Variants in CDS1 observed in about 807,000 individuals in gnomAD.
The protein encoded by CDS1 is CDP-diacylglycerol synthase 1.
In CDS1, 41 loss-of-function variants were observed where a neutral mutation model predicts 62.1. That is an observed-to-expected ratio of 0.66 (90% CI 0.51 to 0.86). The LOEUF is 0.86. Ranked by LOEUF, CDS1 falls within the 40% of genes least tolerant of loss-of-function variation. CDS1 has a pLI of 0.00. For synonymous variants in CDS1, 185 were observed against 192.6 expected, an observed-to-expected ratio of 0.96 and a Z score of 0.32; for missense variants, 470 against 550.1, an observed-to-expected ratio of 0.85 and a Z score of 1.46.
At chr4:84,622,702 T>C (rs1023093654) in intron 5 of CDS1, among the ~76,000 whole-genome samples, 1 of 152,244 alleles carries the variant, frequency 6.6e-6, no homozygotes, top group Admixed American at 6.5e-5. Context: ...AAAAGAATTA[T>C]GATGTAAACA....
rs1283259061 is a variant in CDS1 at position 84,636,713 on chromosome 4, CAG to C, written c.810+1363_810+1364del. ...TTAATTTTAGTATTTTTAGTAGAGA[CAG>C]GGTTTCACCATGTTGGCCAGGCTGG... On this transcript the variant is annotated intron_variant, in intron 8 of 12. Transcript: ENST00000295887. Among the ~76,000 whole-genome samples, 6 of 152,110 alleles carry C rather than the reference CAG, an allele frequency of 3.9e-5. No homozygotes were observed. The East Asian group carries it at 7.8e-4, about 20-fold the overall frequency.
chr4:84,608,143 T>A (rs999669474), intron 2 of CDS1, among the ~76,000 whole-genome samples: 2 of 152,178 alleles, frequency 1.3e-5, no homozygotes, highest in African/African-American at 2.4e-5. Context: ...AAAGCTCTGC[T>A]CTGAGGAGCA....
rs957817605 is a variant in CDS1, at chr4:84,583,159, T to A, written c.-243T>A. 9.1e-6 allele frequency: 4 copies of A among 439,366 alleles called. No individual in the cohort carries two copies. Among genetic ancestry groups the A allele is most frequent in the Admixed American group, 4.6e-5 (1 of 21,784 alleles). The allele number at this position is 439,366 out of a possible 1,614,324, so 27.2% of individuals were successfully genotyped here. ...CTGCTCGCGCCTGGCGCCCGGAGCC[T>A]GCCCGGGACCTCCGCCGGAGCCGCG... On this transcript the variant is annotated 5_prime_UTR_variant, in exon 1 of 13. Coordinates refer to ENST00000295887, the MANE Select transcript of CDS1 (RefSeq NM_001263.4).
chr4:84,599,141 C>T (rs73831539), intron 1 of CDS1, among the ~76,000 whole-genome samples: 6,503 of 152,024 alleles, frequency 0.043, 466 homozygotes, highest in African/African-American at 0.15. Flanking sequence ...CAATTTGGTT[C>T]CTGCTGGGAG....
chr4:84,608,558 G>C (rs901264990), intron 2 of CDS1, among the ~76,000 whole-genome samples: 15 of 152,246 alleles, frequency 9.9e-5, no homozygotes, highest in African/African-American at 3.1e-4. Flanking sequence ...CCTTCCATCT[G>C]TCTTTATCCT....
intron 5 of CDS1, among the ~76,000 whole-genome samples, chr4:84,622,552 C>T (rs941983342): frequency 5.3e-5 from 8 of 152,244 alleles, no homozygotes; most frequent in East Asian, 1.9e-4. Flanking sequence ...GAAATCATGC[C>T]GCTGCACTCC....
In CDS1 at chr4:84,583,468, G is replaced by T; in HGVS notation, c.67G>T (p.Glu23Ter). 1.3e-6 allele frequency: 2 copies of T among 1,578,208 alleles called. No homozygotes were observed. Among genetic ancestry groups the T allele is most frequent in the Non-Finnish European group, 1.7e-6 (2 of 1,163,692 alleles). Residue 23 changes from glutamate (E) to a stop codon, truncating the protein, a stop_gained, in exon 1 of 13, where the codon GAG becomes TAG. Transcript: ENST00000295887. LOFTEE classifies it high-confidence loss of function. ...PREAVSPPHR[E>*]GEAAGGDHET... is the part of the protein sequence containing the mutation. ...GGAAGCGGTGTCGCCGCCACACCGCGAGGGAGAGGCGGCCGGCGGCGACCA... is the reference window on the plus strand; with the variant it reads ...GGAAGCGGTGTCGCCGCCACACCGCTAGGGAGAGGCGGCCGGCGGCGACCA...
At chr4:84,584,286 C>T (rs1722347587) in intron 1 of CDS1, among the ~76,000 whole-genome samples, 2 of 152,172 alleles carry the variant, frequency 1.3e-5, no homozygotes, top group African/African-American at 4.8e-5. Context: ...TATAGTGGTG[C>T]AAGTAAGAAC....
At chr4:84,587,878 G>A (rs1722467612) in intron 1 of CDS1, among the ~76,000 whole-genome samples, 1 of 152,030 alleles carries the variant, frequency 6.6e-6, no homozygotes, top group African/African-American at 2.4e-5. Context: ...AATAGATGGT[G>A]AATATTTCTT....
At chr4:84,618,996 A>G (rs907346601) in intron 4 of CDS1, among the ~76,000 whole-genome samples, 2 of 151,960 alleles carry the variant, frequency 1.3e-5, no homozygotes, top group Non-Finnish European at 2.9e-5. Flanking sequence ...AATCATACAC[A>G]CACACAAACA....
At chr4:84,642,298 C>T (rs2148660402) in intron 10 of CDS1, among the ~76,000 whole-genome samples, 1 of 151,364 alleles carries the variant, frequency 6.6e-6, no homozygotes, top group South Asian at 2.1e-4. Context: ...TGCACTCTAG[C>T]CTGGGCAACA....
intron 2 of CDS1, 150 bp downstream of exon 2, chr4:84,604,520 A>G (rs1200415561): frequency 6.1e-6 from 4 of 655,510 alleles, no homozygotes; most frequent in East Asian, 5.4e-5. Context: ...GTATAGTTCT[A>G]TGTATTTAAT....
chr4:84,599,396 AC>A (rs1722851167), intron 1 of CDS1, among the ~76,000 whole-genome samples: 3 of 11,076 alleles, frequency 2.7e-4, no homozygotes, highest in Admixed American at 1.4e-3. Context: ...AAATTTTGAC[AC>A]ACACACACAT....
At chr4:84,639,875 A>G (rs1724324707) in intron 9 of CDS1, among the ~76,000 whole-genome samples, 1 of 152,040 alleles carries the variant, frequency 6.6e-6, no homozygotes, top group Non-Finnish European at 1.5e-5. Context: ...TTGTGGTAGA[A>G]TATTGATGAG....
chr4:84,618,983 T>G (rs1013162344), intron 4 of CDS1, among the ~76,000 whole-genome samples: 4 of 151,156 alleles, frequency 2.6e-5, no homozygotes, highest in African/African-American at 9.7e-5. Flanking sequence ...TACAAAGTAT[T>G]AAAATCATAC....
rs899779309 is a variant in CDS1, at chr4:84,650,382, C to G, written c.*1696C>G. 1.3e-5 allele frequency: 2 copies of G among 152,140 alleles called. No homozygotes were observed. The highest frequency in any genetic ancestry group is 2.4e-5 in the African/African-American group (1 of 41,430). 9.4% of individuals were successfully genotyped at this position (152,140 alleles called of 1,614,324 possible). A position where few individuals can be genotyped will look rare whatever the true frequency, so the allele number is the denominator to read the frequency against. Reference sequence around the variant, plus strand: ...AAATGTTATTATAGGAGGCAGTGATCGCATTTAAAATCAGGCCACCTACAA... The same window carrying G: ...AAATGTTATTATAGGAGGCAGTGATGGCATTTAAAATCAGGCCACCTACAA... On this transcript the variant is annotated 3_prime_UTR_variant, in exon 13 of 13. Transcript: ENST00000295887.
chr4:84,641,966 A>G (rs888058942), intron 10 of CDS1, among the ~76,000 whole-genome samples: 7 of 152,238 alleles, frequency 4.6e-5, no homozygotes, highest in African/African-American at 1.7e-4. Context: ...TACCTGCTAT[A>G]AAACTTTTTA....
Position 84,648,781 on chromosome 4 carries a change from C to G in CDS1, c.*95C>G, listed in dbSNP as rs928726142. 16 of 1,252,800 alleles carry G rather than the reference C, an allele frequency of 1.3e-5. No homozygotes were observed. The highest frequency in any genetic ancestry group is 1.8e-5 in the Non-Finnish European group (16 of 913,272). The allele number at this position is 1,252,800 out of a possible 1,614,324, so 77.6% of individuals were successfully genotyped here. A position where few individuals can be genotyped will look rare whatever the true frequency, so the allele number is the denominator to read the frequency against. ...TTGTACAGAAAAATAGTTAAAAATG[C>G]AATAGGTTGAAGTTTTGGAGATATG... On this transcript the variant is annotated 3_prime_UTR_variant, in exon 13 of 13. Coordinates refer to ENST00000295887, the MANE Select transcript of CDS1 (RefSeq NM_001263.4).
intron 6 of CDS1, among the ~76,000 whole-genome samples, chr4:84,632,361 T>C (rs529648720): frequency 3.3e-4 from 51 of 152,358 alleles, no homozygotes; most frequent in Non-Finnish European, 6.0e-4. Flanking sequence ...TACCAAAGCC[T>C]GTCTTAAGAA....
Sources: allele counts gnomAD v4.1 joint callset (sites outside exome capture counted in the v4.1 genomes callset), GRCh38; gene constraint gnomAD v4.1.1; transcripts MANE v1.5; gene names NCBI Gene and HGNC (gene_info 2026-07-23, HGNC 2026-07-21).